The following SESTD1 variants were observed in gnomAD, a reference collection of about 807,000 sequenced individuals.
The protein encoded by SESTD1 is SEC14 and spectrin domain containing 1.
Under a neutral mutation model 101.7 loss-of-function variants are expected in SESTD1, and 43 were observed. The observed-to-expected ratio is 0.42, with a 90% CI of 0.33 to 0.55. SESTD1 has a LOEUF of 0.55. Among genes scored for constraint, SESTD1 ranks in the 20% least tolerant of loss-of-function variants. The pLI, the probability that SESTD1 is intolerant of heterozygous loss-of-function variation, is 0.07. For missense variants in SESTD1, 647 were observed against 815.1 expected (o/e 0.79, Z 2.51); for synonymous variants, 283 against 286.8 (o/e 0.99, Z 0.13).
chr2:179,234,079 C>T (rs971439644), intron 1 of SESTD1, among the ~76,000 whole-genome samples: 41 of 152,276 alleles, frequency 2.7e-4, no homozygotes, highest in Middle Eastern at 3.4e-3. Flanking sequence ...AGGTGGGCCT[C>T]ATCAAATCAG....
chr2:179,125,459 T>A (rs765869157), intron 10 of SESTD1, among the ~76,000 whole-genome samples: 2 of 152,218 alleles, frequency 1.3e-5, no homozygotes, highest in African/African-American at 4.8e-5. Flanking sequence ...CTGCCTAATG[T>A]GTGCCTGTAC....
intron 1 of SESTD1, among the ~76,000 whole-genome samples, chr2:179,216,589 T>A (rs1285248446): frequency 2.2e-5 from 3 of 135,206 alleles, no homozygotes; most frequent in Non-Finnish European, 3.2e-5. Context: ...GCCATCCCCA[T>A]CAAGCTACCA....
intron 1 of SESTD1, among the ~76,000 whole-genome samples, chr2:179,237,419 C>T (rs753711624): frequency 1.3e-5 from 2 of 152,140 alleles, no homozygotes; most frequent in African/African-American, 2.4e-5. Context: ...GCCCTTCCCA[C>T]ATTTCCATCG....
At chr2:179,128,747 G>GAAAAAA (rs1016074033) in intron 10 of SESTD1, among the ~76,000 whole-genome samples, 2 of 129,760 alleles carry the variant, frequency 1.5e-5, no homozygotes, top group East Asian at 2.4e-4. Context: ...AAAAAGAAAA[G>GAAAAAA]AAAAAAAAAA....
intron 1 of SESTD1, among the ~76,000 whole-genome samples, chr2:179,213,844 G>T (rs1346134783): frequency 2.2e-5 from 3 of 135,228 alleles, no homozygotes; most frequent in Non-Finnish European, 4.8e-5. Flanking sequence ...TTAAAGAAAA[G>T]AATTTTCAAC....
At position 179,264,616 on chromosome 2, in the gene SESTD1, G is replaced by C. The variant is rs1156715882; in HGVS notation, c.-143C>G. 1 of 152,696 alleles carries C rather than the reference G, an allele frequency of 6.5e-6. No individual in the cohort carries two copies. Among genetic ancestry groups the C allele is most frequent in the Non-Finnish European group, 1.4e-5 (1 of 69,198 alleles). The allele number at this position is 152,696 out of a possible 1,614,324, so 9.5% of individuals were successfully genotyped here. A position where few individuals can be genotyped will look rare whatever the true frequency, so the allele number is the denominator to read the frequency against. On this transcript the variant is annotated 5_prime_UTR_variant, in exon 1 of 18. Transcript: ENST00000428443. Reference sequence around the variant, plus strand: ...GCGGGAGGAAGGCGGGCTGGGGGCGGAGCGGGCCCGGGCGGCGGCGGCAGC... The same window carrying C: ...GCGGGAGGAAGGCGGGCTGGGGGCGCAGCGGGCCCGGGCGGCGGCGGCAGC...
At chr2:179,227,777 G>A (rs1453341001) in intron 1 of SESTD1, among the ~76,000 whole-genome samples, 1 of 152,050 alleles carries the variant, frequency 6.6e-6, no homozygotes, top group African/African-American at 2.4e-5. Context: ...GAAATTTTGG[G>A]GGGAAAATGA....
Position 179,199,424 on chromosome 2 carries a change from A to G in SESTD1, c.-25-7558T>C, listed in dbSNP as rs943502067. ...CTTCTGAAACTATTCCAATCAATAG[A>G]AAAAGAGGGAATCCTCCCTAACTCA... On this transcript the variant is annotated intron_variant, in intron 1 of 17. Transcript: ENST00000428443. Among the ~76,000 whole-genome samples, 16 of 152,334 alleles carry G rather than the reference A, an allele frequency of 1.1e-4. 1 individual carries two copies. In the South Asian group the frequency reaches 3.3e-3, roughly 32 times the overall value.
chr2:179,150,451 CTCT>C (rs1169089884), intron 6 of SESTD1, among the ~76,000 whole-genome samples: 1 of 151,948 alleles, frequency 6.6e-6, no homozygotes, highest in Non-Finnish European at 1.5e-5. Context: ...TGTCAAACTG[CTCT>C]TCAAGTTGAT....
rs567634899 is a variant in SESTD1 at position 179,231,875 on chromosome 2, C to T, written c.-26+32624G>A. ...TATGACACAGAGAAACACTGTTTAA[C>T]GTTAGAAGCTGCAATTCACATGAAG... On this transcript the variant is annotated intron_variant, in intron 1 of 17. Transcript: ENST00000428443. Among the ~76,000 whole-genome samples the T allele has an allele frequency of 4.6e-5, 7 of 152,044 alleles. 1 individual carries two copies. Among genetic ancestry groups the T allele is most frequent in the East Asian group, 3.9e-4 (2 of 5,194 alleles).
intron 1 of SESTD1, among the ~76,000 whole-genome samples, chr2:179,208,032 C>T (rs1291698462): frequency 7.5e-6 from 1 of 134,156 alleles, no homozygotes; most frequent in East Asian, 2.0e-4. Flanking sequence ...AAAGAAAAGA[C>T]AATCACAACA....
intron 1 of SESTD1, among the ~76,000 whole-genome samples, chr2:179,245,846 A>T (rs2047221908): frequency 6.6e-6 from 1 of 152,218 alleles, no homozygotes; most frequent in African/African-American, 2.4e-5. Flanking sequence ...ATTAAAAAAC[A>T]TGTTAATAGA....
At chr2:179,193,339 ATTTGT>A (rs1221444929) in intron 1 of SESTD1, among the ~76,000 whole-genome samples, 1 of 152,210 alleles carries the variant, frequency 6.6e-6, no homozygotes, top group Non-Finnish European at 1.5e-5. Flanking sequence ...AATATTTGCG[ATTTGT>A]TTATTCAAGT....
At chr2:179,138,328 G>A (rs929866684) in intron 9 of SESTD1, among the ~76,000 whole-genome samples, 2 of 152,088 alleles carry the variant, frequency 1.3e-5, no homozygotes, top group African/African-American at 4.8e-5. Context: ...TAAAAATGCT[G>A]GATAAATCCT....
intron 1 of SESTD1, among the ~76,000 whole-genome samples, chr2:179,204,561 C>T (rs766846853): frequency 3.0e-5 from 4 of 135,040 alleles, no homozygotes; most frequent in Non-Finnish European, 4.8e-5. Context: ...AATCAAAGTG[C>T]ATGTTCAGGA....
Position 179,121,820 on chromosome 2 carries a change from A to G in SESTD1, c.1392T>C (p.Asn464=). The G allele has an allele frequency of 6.2e-7, 1 of 1,607,894 alleles. No homozygotes were observed. The highest frequency in any genetic ancestry group is 8.5e-7 in the Non-Finnish European group (1 of 1,177,260). The stretch of plus-strand genomic sequence containing the variant: ...CCATCACTCCTTGTATGTGGTCCAC[A>G]TTTTCTTTATTTTCAATGGTTACAT... The part of the protein sequence containing the change: ...GKDVTIENKE[N]VDHIQGVMED... Residue 464 remains asparagine, a synonymous_variant, in exon 13 of 18, where the codon AAT becomes AAC. Coordinates refer to ENST00000428443, the MANE Select transcript of SESTD1 (RefSeq NM_178123.5).
rs749726189 is a variant in SESTD1, at chr2:179,203,718, G to C, written c.-25-11852C>G. 5.7e-4 allele frequency among the ~76,000 whole-genome samples: 76 copies of C among 134,304 alleles called. 15 individuals carry two copies. Among genetic ancestry groups the C allele is most frequent in the Non-Finnish European group, 1.1e-3 (69 of 62,706 alleles). The allele number at this position is 134,304 out of a possible 152,430, so 88.1% of individuals were successfully genotyped here. On this transcript the variant is annotated intron_variant, in intron 1 of 17. Coordinates refer to ENST00000428443, the MANE Select transcript of SESTD1 (RefSeq NM_178123.5). Reference sequence around the variant, plus strand: ...TGATTTGCAGCCAAGTCAGACAGAAGTGTGGGTAACCTGCGGACCCAATAC... The same window carrying C: ...TGATTTGCAGCCAAGTCAGACAGAACTGTGGGTAACCTGCGGACCCAATAC...
intron 13 of SESTD1, among the ~76,000 whole-genome samples, chr2:179,119,456 T>C (rs763196732): frequency 2.6e-5 from 4 of 152,234 alleles, no homozygotes; most frequent in Non-Finnish European, 5.9e-5. Flanking sequence ...ATCTGGGTTT[T>C]GGATTTGTGT....
At chr2:179,165,002 C>G (rs930366682) in intron 5 of SESTD1, among the ~76,000 whole-genome samples, 2 of 151,978 alleles carry the variant, frequency 1.3e-5, no homozygotes, top group Non-Finnish European at 1.5e-5. Flanking sequence ...CAAAATAATA[C>G]CAAGAAAAAT....
Sources: gnomAD v4.1 joint callset for allele counts (sites outside exome capture counted in the v4.1 genomes callset) on GRCh38, gnomAD v4.1.1 for gene constraint, MANE v1.5 for transcripts, NCBI Gene and HGNC (gene_info 2026-07-23, HGNC 2026-07-21) for gene names.